SNX13: variants seen among roughly 807,000 people sequenced by gnomAD.
SNX13 encodes sorting nexin 13.
A neutral mutation model predicts 133.6 loss-of-function variants in SNX13; 45 were observed. The ratio of observed to expected loss-of-function variants is 0.34; its 90% CI spans 0.27 to 0.43. The LOEUF (loss-of-function observed/expected upper bound fraction) is 0.43, where lower values mean the gene tolerates loss of function less well. SNX13 is among the 20% of genes least tolerant of loss of function. SNX13 has a pLI of 1.00. For missense variants in SNX13, 1,032 were observed against 1,145.1 expected (o/e 0.90, Z 1.43); for synonymous variants, 414 against 373.9 (o/e 1.11, Z -1.24).
At chr7:17,896,126 C>T (rs571425266) in intron 2 of SNX13, among the ~76,000 whole-genome samples, 194 of 152,248 alleles carry the variant, frequency 1.3e-3, no homozygotes, top group South Asian at 3.7e-3. Context: ...ATTAGGAAAC[C>T]CATTTGGCTG....
At chr7:17,807,802 T>C (rs1487569488) in intron 20 of SNX13, among the ~76,000 whole-genome samples, 3 of 150,496 alleles carry the variant, frequency 2.0e-5, no homozygotes, top group Admixed American at 2.0e-4. Flanking sequence ...CTGCAGCCTC[T>C]GCTGGTGATA....
In SNX13 at chr7:17,835,349, C is replaced by T. The variant is rs78862260; in HGVS notation, c.1360-484G>A. The stretch of plus-strand genomic sequence containing the variant: ...CATTTATTATTTGACCCTAGAGAAA[C>T]CTTTTGAATGTCCTTTAAAGAGATT... On this transcript the variant is annotated intron_variant, in intron 13 of 25. Coordinates refer to ENST00000428135, the MANE Select transcript of SNX13 (RefSeq NM_015132.5). 4.5e-3 allele frequency among the ~76,000 whole-genome samples: 679 copies of T among 151,838 alleles called. 6 individuals carry two copies. Among genetic ancestry groups the T allele is most frequent in the African/African-American group, 0.016 (661 of 41,446 alleles).
chr7:17,874,420 G>A (rs1794469959), intron 7 of SNX13, among the ~76,000 whole-genome samples: 1 of 152,046 alleles, frequency 6.6e-6, no homozygotes, highest in African/African-American at 2.4e-5. Context: ...AAGTTTTTGG[G>A]GGTCAAAAGT....
Position 17,845,812 on chromosome 7 carries a change from T to C in SNX13, c.1066-118A>G, listed in dbSNP as rs1465205594. On this transcript the variant is annotated intron_variant, in intron 11 of 25. Coordinates refer to ENST00000428135, the MANE Select transcript of SNX13 (RefSeq NM_015132.5). ...ACGGAGTAAAGATGAAGTTTTTCCCTTCTCATGCATGTTGTTTCCCAATAG... is the reference window on the plus strand; with the variant it reads ...ACGGAGTAAAGATGAAGTTTTTCCCCTCTCATGCATGTTGTTTCCCAATAG... 3 of 609,084 alleles carry C rather than the reference T, an allele frequency of 4.9e-6. No individual in the cohort carries two copies. The African/African-American group carries it at 5.7e-5, about 12-fold the overall frequency. The allele number at this position is 609,084 out of a possible 1,614,324, so 37.7% of individuals were successfully genotyped here.
chr7:17,868,308 C>A (rs1269401511), intron 9 of SNX13, 99 bp downstream of exon 9: 3 of 812,256 alleles, frequency 3.7e-6, no homozygotes, highest in East Asian at 2.8e-5. Context: ...TACTTAATTT[C>A]TTTAATAAAT....
chr7:17,934,293 C>A (rs559887892), intron 1 of SNX13, among the ~76,000 whole-genome samples: 1 of 152,198 alleles, frequency 6.6e-6, no homozygotes, highest in Non-Finnish European at 1.5e-5. Context: ...TCTATGAAAC[C>A]ACAAAATTTC....
chr7:17,832,686 A>G (rs548745109), intron 15 of SNX13, among the ~76,000 whole-genome samples: 2 of 151,586 alleles, frequency 1.3e-5, no homozygotes, highest in East Asian at 3.9e-4. Context: ...TTCAACTCAG[A>G]GAAGAACTCT....
At chr7:17,840,073 A>C in intron 12 of SNX13, 73 bp from the exon 13 acceptor site, 1 of 1,271,736 alleles carries the variant, frequency 7.9e-7, no homozygotes, top group South Asian at 1.6e-5. Flanking sequence ...TTTTATGACA[A>C]GTAAAGAAGG....
Position 17,830,756 on chromosome 7 carries a change from G to T in SNX13, c.1598-709C>A, listed in dbSNP as rs1168109590. The T allele has an allele frequency of 7.2e-6, 7 of 976,868 alleles. No individual in the cohort carries two copies. The African/African-American group carries it at 8.8e-5, about 12-fold the overall frequency. The allele number at this position is 976,868 out of a possible 1,614,324, so 60.5% of individuals were successfully genotyped here. A position where few individuals can be genotyped will look rare whatever the true frequency, so the allele number is the denominator to read the frequency against. On this transcript the variant is annotated intron_variant, in intron 15 of 25. Coordinates refer to ENST00000428135, the MANE Select transcript of SNX13 (RefSeq NM_015132.5). ...AGAAAATTAAGTTACCAATTAAGGT[G>T]TTCCTTTATTAAACACACAAACAAA...
At position 17,793,440 on chromosome 7, in the gene SNX13, A is replaced by G. The variant is rs1225253352; in HGVS notation, c.*605T>C. On this transcript the variant is annotated 3_prime_UTR_variant, in exon 26 of 26. Transcript: ENST00000428135. The stretch of plus-strand genomic sequence containing the variant: ...TCAAATTCTGTGTTTGATTGGTTTT[A>G]TTTTATACTCAGCTTTATTTTATAT... 4 of 151,852 alleles carry G rather than the reference A, an allele frequency of 2.6e-5. No homozygotes were observed. The highest frequency in any genetic ancestry group is 5.9e-5 in the Non-Finnish European group (4 of 67,826). 9.4% of individuals were successfully genotyped at this position (151,852 alleles called of 1,614,324 possible).
chr7:17,884,198 CTATG>C (rs1283511867), intron 5 of SNX13, among the ~76,000 whole-genome samples: 2 of 152,116 alleles, frequency 1.3e-5, no homozygotes, highest in Non-Finnish European at 2.9e-5. Flanking sequence ...AAAATTGTGA[CTATG>C]TATGCACAGC....
At chr7:17,852,900 T>G (rs1288843602) in intron 9 of SNX13, among the ~76,000 whole-genome samples, 1 of 152,186 alleles carries the variant, frequency 6.6e-6, no homozygotes, top group Admixed American at 6.5e-5. Context: ...TATACATGCA[T>G]AGATACAGGT....
chr7:17,801,481 T>G, intron 22 of SNX13, 107 bp downstream of exon 22: 1 of 785,282 alleles, frequency 1.3e-6, no homozygotes, highest in Non-Finnish European at 2.0e-6. Flanking sequence ...AGCTTAACAC[T>G]TATAATATGT....
intron 24 of SNX13, among the ~76,000 whole-genome samples, chr7:17,798,171 G>C (rs990405722): frequency 1.3e-5 from 2 of 151,732 alleles, no homozygotes; most frequent in Non-Finnish European, 2.9e-5. Flanking sequence ...CTCAGCAATG[G>C]GCTGAGTGCT....
chr7:17,888,506 C>A, intron 5 of SNX13: 1 of 229,126 alleles, frequency 4.4e-6, no homozygotes, highest in South Asian at 4.6e-5. Flanking sequence ...AAATACCAAA[C>A]TTAAGAACAA....
chr7:17,827,972 A>T (rs2723556), intron 16 of SNX13, among the ~76,000 whole-genome samples: 75 of 151,490 alleles, frequency 5.0e-4, no homozygotes, highest in African/African-American at 1.8e-3. Context: ...TTTTTTTAAA[A>T]AAGCATTATT....
Position 17,940,307 on chromosome 7 carries a change from G to A in SNX13, c.-12C>T, listed in dbSNP as rs776265266. On this transcript the variant is annotated 5_prime_UTR_variant, in exon 1 of 26. Transcript: ENST00000428135. Reference sequence around the variant, plus strand: ...ACCTCAGTTAACATTATTACACCCCGGGGAAGTGAGGTCCTCCCTAGCCTC... The same window carrying A: ...ACCTCAGTTAACATTATTACACCCCAGGGAAGTGAGGTCCTCCCTAGCCTC... The A allele has an allele frequency of 1.9e-6, 3 of 1,565,456 alleles. No individual in the cohort carries two copies. Among genetic ancestry groups the A allele is most frequent in the East Asian group, 2.4e-5 (1 of 41,998 alleles).
chr7:17,834,065 A>T lies in SNX13; in HGVS notation c.1584T>A (p.Asp528Glu), dbSNP rs760862173. 1 of 1,571,258 alleles carries T rather than the reference A, an allele frequency of 6.4e-7. No individual in the cohort carries two copies. Among genetic ancestry groups the T allele is most frequent in the East Asian group, 2.3e-5 (1 of 43,856 alleles). Residue 528 changes from aspartate to glutamate, a missense_variant, in exon 15 of 26, where the codon GAT becomes GAA. Physicochemically the swap from Asp to Glu is conservative, Grantham distance 45. Transcript: ENST00000428135. The stretch of plus-strand genomic sequence containing the variant: ...GTGCCACCTTACCTCCATCCCCATC[A>T]TCGGATCCTCTGAAACTAGGATCTT... ...MLKDPSFRGSDDGDGESFNGS... is the reference protein window; with the variant it reads ...MLKDPSFRGSEDGDGESFNGS...
At chr7:17,895,124 A>G (rs1007593372) in intron 2 of SNX13, among the ~76,000 whole-genome samples, 1 of 152,334 alleles carries the variant, frequency 6.6e-6, no homozygotes, top group South Asian at 2.1e-4. Flanking sequence ...TATTAAAAAC[A>G]TCATCAAGAA....
Sources: gnomAD v4.1 joint callset for allele counts (sites outside exome capture counted in the v4.1 genomes callset) on GRCh38, gnomAD v4.1.1 for gene constraint, MANE v1.5 for transcripts, NCBI Gene and HGNC (gene_info 2026-07-23, HGNC 2026-07-21) for gene names.